Variants in COL6A6 observed in about 807,000 individuals in gnomAD.
COL6A6 encodes the protein collagen type VI alpha 6 chain.
In COL6A6, 183 loss-of-function variants were observed where a neutral mutation model predicts 208.6. The observed-to-expected ratio is 0.88, with a 90% CI of 0.78 to 0.99. The LOEUF is 0.99. COL6A6 is among the 50% of genes least tolerant of loss of function. The probability of loss-of-function intolerance (pLI) is 0.00; values close to 1 mark genes in which losing one functional copy is unlikely to be tolerated. For missense variants in COL6A6, 2,816 were observed against 2,815.2 expected (o/e 1.00, Z -0.01); for synonymous variants, 973 against 1,011.8 (o/e 0.96, Z 0.73).
At chr3:130,653,667 A>T (rs1398549582) in intron 33 of COL6A6, among the ~76,000 whole-genome samples, 1 of 152,212 alleles carries the variant, frequency 6.6e-6, no homozygotes, top group African/African-American at 2.4e-5. Flanking sequence ...GGACCATTTT[A>T]TTTTAAATCT....
intron 36 of COL6A6, among the ~76,000 whole-genome samples, chr3:130,674,779 A>G (rs1022078294): frequency 2.6e-5 from 4 of 152,216 alleles, no homozygotes; most frequent in African/African-American, 9.6e-5. Flanking sequence ...AAGGAAGTTT[A>G]CAGGTAAATA....
chr3:130,648,958 T>A, intron 32 of COL6A6, 111 bp from the exon 33 acceptor site: 1 of 841,826 alleles, frequency 1.2e-6, no homozygotes. Flanking sequence ...AATACTTAAA[T>A]TATTCTCTTT....
At chr3:130,638,136 TAA>T (rs770526459) in intron 28 of COL6A6, among the ~76,000 whole-genome samples, 6 of 145,506 alleles carry the variant, frequency 4.1e-5, no homozygotes, top group Non-Finnish European at 7.6e-5. Flanking sequence ...TTTGTTATAT[TAA>T]AAAAAAAAAA....
intron 1 of COL6A6, among the ~76,000 whole-genome samples, chr3:130,525,752 T>G (rs1410822308): frequency 2.0e-5 from 3 of 152,146 alleles, no homozygotes; most frequent in Non-Finnish European, 4.4e-5. Flanking sequence ...ATACTAGACT[T>G]CCTTTGCTTC....
intron 7 of COL6A6, among the ~76,000 whole-genome samples, chr3:130,573,036 G>A (rs2063202628): frequency 6.6e-6 from 1 of 152,158 alleles, no homozygotes; most frequent in African/African-American, 2.4e-5. Context: ...TGCATTGCTT[G>A]TTCACAAATA....
chr3:130,551,243 A>G (rs976622920), intron 1 of COL6A6, among the ~76,000 whole-genome samples: 2 of 152,150 alleles, frequency 1.3e-5, no homozygotes, highest in East Asian at 3.8e-4. Flanking sequence ...CAGTAGGAAT[A>G]GTATCAGCTC....
intron 1 of COL6A6, among the ~76,000 whole-genome samples, chr3:130,547,128 T>G (rs1157861479): frequency 6.6e-6 from 1 of 152,226 alleles, no homozygotes; most frequent in Non-Finnish European, 1.5e-5. Flanking sequence ...GACGCCCATC[T>G]GGGAGGTTTG....
chr3:130,614,556 C>A (rs9848563), intron 23 of COL6A6, among the ~76,000 whole-genome samples: 57,217 of 151,910 alleles, frequency 0.38, 14,076 homozygotes, highest in African/African-American at 0.68. Context: ...CTCTACCTCA[C>A]CTTTTAGGAA....
intron 35 of COL6A6, among the ~76,000 whole-genome samples, chr3:130,664,610 AAG>A (rs1014294241): frequency 2.6e-5 from 4 of 151,972 alleles, no homozygotes; most frequent in African/African-American, 4.9e-5. Context: ...TAGTGTTTCA[AAG>A]ATCATAAAGA....
chr3:130,560,416 A>T lies in COL6A6; in HGVS notation c.52A>T (p.Asn18Tyr). ...GATAATTTGTTCCCATATTTCTGTG[A>T]ACCAAGATTCCGGTAAGGAAAAACT... ...LVIICSHISV[N>Y]QDSGPEYADV... Residue 18 changes from asparagine (N) to tyrosine (Y), a missense_variant, in exon 2 of 37, where the codon AAC becomes TAC. Physicochemically the swap from Asn to Tyr is moderately radical, Grantham distance 143 (BLOSUM62 -2). Transcript: ENST00000358511. 1.2e-6 allele frequency: 2 copies of T among 1,611,464 alleles called. No individual in the cohort carries two copies. The highest frequency in any genetic ancestry group is 1.7e-6 in the Non-Finnish European group (2 of 1,178,764).
At chr3:130,570,099 C>G (rs2063124538) in intron 6 of COL6A6, among the ~76,000 whole-genome samples, 2 of 152,146 alleles carry the variant, frequency 1.3e-5, no homozygotes, top group Admixed American at 6.6e-5. Flanking sequence ...GAACACTGCA[C>G]CTTTGGAGGG....
At chr3:130,608,644 A>G (rs2064257226) in intron 21 of COL6A6, among the ~76,000 whole-genome samples, 1 of 151,786 alleles carries the variant, frequency 6.6e-6, no homozygotes, top group African/African-American at 2.4e-5. Context: ...TGGGGGCTGC[A>G]TGTGTGCATG....
At chr3:130,539,243 T>A (rs1186491767) in intron 1 of COL6A6, among the ~76,000 whole-genome samples, 1 of 152,236 alleles carries the variant, frequency 6.6e-6, no homozygotes, top group East Asian at 1.9e-4. Context: ...CAGTGACAAC[T>A]TCTCAATGTG....
At chr3:130,583,923 A>G (rs1030222347) in intron 10 of COL6A6, among the ~76,000 whole-genome samples, 4 of 152,334 alleles carry the variant, frequency 2.6e-5, no homozygotes, top group East Asian at 1.9e-4. Flanking sequence ...CAGGCCGGGC[A>G]TCAATATGTG....
intron 24 of COL6A6, 112 bp from the exon 25 acceptor site, chr3:130,626,373 C>T (rs768254797): frequency 1.3e-5 from 10 of 790,854 alleles, no homozygotes; most frequent in East Asian, 9.9e-5. Flanking sequence ...ATCACTTGCA[C>T]GACACACAGT....
chr3:130,523,603 C>T (rs13085273), intron 1 of COL6A6, among the ~76,000 whole-genome samples: 12,330 of 152,154 alleles, frequency 0.081, 557 homozygotes, highest in Middle Eastern at 0.13. Flanking sequence ...TAAGTTGGTG[C>T]TCAATACATA....
In COL6A6 at chr3:130,627,343, GGTAGT is replaced by G; in HGVS notation, c.4969_4973del (p.Ser1657ArgfsTer18). On this transcript the variant is annotated frameshift_variant, in exon 26 of 37. Coordinates refer to ENST00000358511, the MANE Select transcript of COL6A6 (RefSeq NM_001102608.3). LOFTEE classifies it high-confidence loss of function. ...GGGCAATGATGGCAGTCCAGGTTAT[GGTAGT>G]GTCGGACGCAAGGGAGCAAAGGTAA... is the stretch of plus-strand genomic sequence containing the variant. 1 of 1,613,760 alleles carries G rather than the reference GGTAGT, an allele frequency of 6.2e-7. No individual in the cohort carries two copies. Among genetic ancestry groups the G allele is most frequent in the Non-Finnish European group, 8.5e-7 (1 of 1,179,686 alleles).
At chr3:130,592,964 C>A in intron 15 of COL6A6, 97 bp from the exon 16 acceptor site, 1 of 1,121,342 alleles carries the variant, frequency 8.9e-7, no homozygotes, top group Non-Finnish European at 1.3e-6. Flanking sequence ...CACAAGGAGG[C>A]TGTATGTGAA....
chr3:130,557,492 T>C (rs1338287760), intron 1 of COL6A6, among the ~76,000 whole-genome samples: 1 of 152,218 alleles, frequency 6.6e-6, no homozygotes, highest in Non-Finnish European at 1.5e-5. Flanking sequence ...AAGGAAATAA[T>C]GAAGACATCA....
Sources: gnomAD v4.1 joint callset for allele counts (sites outside exome capture counted in the v4.1 genomes callset) on GRCh38, gnomAD v4.1.1 for gene constraint, MANE v1.5 for transcripts, NCBI Gene and HGNC (gene_info 2026-07-23, HGNC 2026-07-21) for gene names.